Variants in LINGO2 observed in about 807,000 individuals in gnomAD.
LINGO2 encodes leucine-rich repeat and immunoglobulin-like domain-containing nogo receptor-interacting protein 2.
Under a neutral mutation model 30.6 loss-of-function variants are expected in LINGO2, and 14 were observed. The observed-to-expected ratio is 0.46, with a 90% CI of 0.30 to 0.72. LINGO2 has a LOEUF of 0.72. Among genes scored for constraint, LINGO2 ranks in the 30% least tolerant of loss-of-function variants. The pLI, the probability that LINGO2 is intolerant of heterozygous loss-of-function variation, is 0.07. For synonymous variants in LINGO2, 317 were observed against 288.5 expected (o/e 1.10, Z -1.00); for missense variants, 729 against 751.7 (o/e 0.97, Z 0.35).
the LINGO2 span, among the ~76,000 whole-genome samples, chr9:28,999,741 G>A: frequency 2.0e-5 from 3 of 152,000 alleles, no homozygotes; most frequent in East Asian, 1.9e-4. Context: ...TAATTTTACC[G>A]GTGAGTGTAT....
chr9:28,655,211 A>C (rs1423283212), intron 1 of LINGO2, among the ~76,000 whole-genome samples: 1 of 151,976 alleles, frequency 6.6e-6, no homozygotes, highest in Non-Finnish European at 1.5e-5. Flanking sequence ...TCCTGCTGCC[A>C]TGTGAAGAAG....
the LINGO2 span, among the ~76,000 whole-genome samples, chr9:28,692,499 T>A: frequency 3.3e-5 from 5 of 152,008 alleles, no homozygotes; most frequent in African/African-American, 1.2e-4. Context: ...AAAATAAAAA[T>A]AAAGTGACAA....
At chr9:28,440,099 T>C (rs10120046) in intron 2 of LINGO2, among the ~76,000 whole-genome samples, 2 of 150,492 alleles carry the variant, frequency 1.3e-5, no homozygotes. Flanking sequence ...ACCTTGTTTT[T>C]ACACAGTGTC....
the LINGO2 span, among the ~76,000 whole-genome samples, chr9:29,181,265 T>C: frequency 6.6e-6 from 1 of 152,206 alleles, no homozygotes; most frequent in Non-Finnish European, 1.5e-5. Context: ...GTTGACCTTA[T>C]GGAGTTACTA....
chr9:29,069,252 A>G, the LINGO2 span, among the ~76,000 whole-genome samples: 1 of 151,984 alleles, frequency 6.6e-6, no homozygotes. Context: ...TTATATTTTG[A>G]CTTGAAATAA....
chr9:29,071,785 C>G, the LINGO2 span, among the ~76,000 whole-genome samples: 2 of 151,622 alleles, frequency 1.3e-5, no homozygotes, highest in South Asian at 4.2e-4. Flanking sequence ...TCACACATAC[C>G]CTGAGTAGCA....
intron 4 of LINGO2, among the ~76,000 whole-genome samples, chr9:28,198,249 GA>G (rs11452546): frequency 0.087 from 12,574 of 145,200 alleles, 700 homozygotes; most frequent in East Asian, 0.21. Flanking sequence ...GGACAAATAT[GA>G]AAAAAAAAAA....
chr9:27,995,970 A>C (rs938897838), intron 5 of LINGO2, among the ~76,000 whole-genome samples: 3 of 151,832 alleles, frequency 2.0e-5, no homozygotes, highest in Non-Finnish European at 2.9e-5. Flanking sequence ...TTAAAAACTT[A>C]AAAACTTCAA....
chr9:29,117,546 T>TA, the LINGO2 span, among the ~76,000 whole-genome samples: 4 of 152,052 alleles, frequency 2.6e-5, no homozygotes, highest in African/African-American at 9.7e-5. Context: ...AGATTGGACT[T>TA]TAATACACCA....
the LINGO2 span, among the ~76,000 whole-genome samples, chr9:29,126,503 C>G: frequency 6.6e-6 from 1 of 151,932 alleles, no homozygotes. Context: ...AAAATATTTC[C>G]TTCATTTAAA....
At chr9:27,938,195 A>C in the LINGO2 span, 4 of 152,192 alleles carry the variant, frequency 2.6e-5, no homozygotes, top group African/African-American at 9.6e-5. Flanking sequence ...GTCGTTACGA[A>C]TTTTGTAAAA....
chr9:28,424,808 T>A (rs1459480478), intron 2 of LINGO2, among the ~76,000 whole-genome samples: 1 of 152,104 alleles, frequency 6.6e-6, no homozygotes, highest in Non-Finnish European at 1.5e-5. Flanking sequence ...TATGTAAGAA[T>A]CAAGATGACA....
chr9:28,439,241 A>G (rs1178013553), intron 2 of LINGO2, among the ~76,000 whole-genome samples: 1 of 151,044 alleles, frequency 6.6e-6, no homozygotes, highest in East Asian at 1.9e-4. Context: ...TTCATACTAT[A>G]TATGTGTGTG....
At chr9:27,956,264 A>G (rs1819565648) in intron 5 of LINGO2, among the ~76,000 whole-genome samples, 1 of 151,986 alleles carries the variant, frequency 6.6e-6, no homozygotes, top group Non-Finnish European at 1.5e-5. Flanking sequence ...TATGTTATCC[A>G]TTCTTGTGGG....
chr9:28,460,990 A>C (rs1825058497), intron 2 of LINGO2, among the ~76,000 whole-genome samples: 1 of 152,162 alleles, frequency 6.6e-6, no homozygotes, highest in Admixed American at 6.6e-5. Flanking sequence ...AAACAACTAG[A>C]GAGTATTGAA....
the LINGO2 span, among the ~76,000 whole-genome samples, chr9:29,027,102 G>C: frequency 3.3e-5 from 5 of 152,024 alleles, no homozygotes; most frequent in Admixed American, 3.3e-4. Flanking sequence ...AGAAAATGTA[G>C]AATATAGAAA....
intron 4 of LINGO2, among the ~76,000 whole-genome samples, chr9:28,098,583 T>C (rs1826317998): frequency 6.6e-6 from 1 of 152,176 alleles, no homozygotes; most frequent in East Asian, 1.9e-4. Flanking sequence ...TTTTTTCGTC[T>C]ATATACTAAA....
intron 4 of LINGO2, among the ~76,000 whole-genome samples, chr9:28,271,479 A>G (rs1293322386): frequency 6.6e-6 from 1 of 152,200 alleles, no homozygotes; most frequent in Non-Finnish European, 1.5e-5. Context: ...AACAAGCATT[A>G]CTCTTTCTCA....
At chr9:28,191,553 C>G (rs1017623001) in intron 4 of LINGO2, among the ~76,000 whole-genome samples, 2 of 152,160 alleles carry the variant, frequency 1.3e-5, no homozygotes, top group African/African-American at 4.8e-5. Flanking sequence ...GCCTCCCTCC[C>G]TCCCTCTTAA....
Sources: gnomAD v4.1 joint callset for allele counts (sites outside exome capture counted in the v4.1 genomes callset) on GRCh38, gnomAD v4.1.1 for gene constraint, MANE v1.5 for transcripts, NCBI Gene and HGNC (gene_info 2026-07-23, HGNC 2026-07-21) for gene names.